Variants in FUT5 observed in about 807,000 individuals in gnomAD.
The protein encoded by FUT5 is fucosyltransferase 5.
In FUT5, 1 loss-of-function variant was observed where a neutral mutation model predicts 0.8. The observed-to-expected ratio is 1.26, with a 90% confidence interval of 0.45 to 5.99. The LOEUF (loss-of-function observed/expected upper bound fraction) is 5.99, where lower values mean the gene tolerates loss of function less well. Among genes scored for constraint, FUT5 ranks in the 30% most tolerant of loss-of-function variants. FUT5 has a pLI of 0.15. For missense variants in FUT5, 437 were observed against 517.8 expected (o/e 0.84, Z 1.51); for synonymous variants, 212 against 225.7 (o/e 0.94, Z 0.54).
chr19:5,867,440 C>CT lies in FUT5; in HGVS notation c.285dup (p.Glu96ArgfsTer267). On this transcript the variant is annotated frameshift_variant, in exon 2 of 2. Coordinates refer to ENST00000588525, the MANE Select transcript of FUT5 (RefSeq NM_002034.2). LOFTEE classifies it low-confidence loss of function (END_TRUNC). This position sits in a 1 kb window ranked among gnomAD's most constrained non-coding sequence, Gnocchi z 5.0. ...CAGTCGGCCGCGCCGGGCACCATCT[C>CT]TGAGCAGCGGGGCAGAGCCACGGGT... is the stretch of plus-strand genomic sequence containing the variant. 3.7e-6 allele frequency: 6 copies of CT among 1,604,546 alleles called. No individual in the cohort carries two copies. The South Asian group carries it at 6.6e-5, about 18-fold the overall frequency.
At chr19:5,868,621 G>A (rs1490558787) in intron 1 of FUT5, among the ~76,000 whole-genome samples, 1 of 152,174 alleles carries the variant, frequency 6.6e-6, no homozygotes, top group Admixed American at 6.5e-5. Flanking sequence ...GATCACCTGA[G>A]GTCAGGAGTT....
At position 5,869,978 on chromosome 19, in the gene FUT5, A is replaced by T. The variant is rs571506327; in HGVS notation, c.-13+487T>A. On this transcript the variant is annotated intron_variant, in intron 1 of 1. Coordinates refer to ENST00000588525, the MANE Select transcript of FUT5 (RefSeq NM_002034.2). ...CAGCTACTCGGGAGGCTGAGGCAGA[A>T]TTGCTTGAACCCGGGAGGCGGGGGT... Among the ~76,000 whole-genome samples the T allele has an allele frequency of 5.6e-4, 78 of 140,298 alleles. 2 individuals are homozygous for T. The South Asian group carries it at 0.018, about 32-fold the overall frequency. The allele number at this position is 140,298 out of a possible 152,430, so 92.0% of individuals were successfully genotyped here. A position where few individuals can be genotyped will look rare whatever the true frequency, so the allele number is the denominator to read the frequency against.
intron 1 of FUT5, among the ~76,000 whole-genome samples, chr19:5,869,278 C>CTTTTT (rs780424110): frequency 1.6e-5 from 2 of 125,994 alleles, no homozygotes; most frequent in South Asian, 2.6e-4. Context: ...CATGCCCAGC[C>CTTTTT]TTTTTTTTTT....
rs753846498 is a variant in FUT5 at position 5,866,882 on chromosome 19, C to G, written c.844G>C (p.Ala282Pro). ...CTGGGGCCCAGCACCACGGGCACGG[C>G]CCAGGCCTCCAGGGCGTTCCTCCAC... ...KLWRNALEAWAVPVVLGPSRS... is the reference protein window; with the variant it reads ...KLWRNALEAWPVPVVLGPSRS... The change falls in exon 2 of 2, where the codon GCC becomes CCC. Residue 282 changes from alanine (A) to proline (P), a missense_variant. Ala to Pro is a conservative substitution (Grantham distance 27). Coordinates refer to ENST00000588525, the MANE Select transcript of FUT5 (RefSeq NM_002034.2). The surrounding 1 kb of genome is among the most constrained non-coding windows in gnomAD (Gnocchi z 4.9). The G allele has an allele frequency of 5.0e-5, 81 of 1,611,370 alleles. No individual in the cohort carries two copies. The East Asian group carries it at 5.6e-4, about 11-fold the overall frequency.
In FUT5 at chr19:5,867,706, G is replaced by A; in HGVS notation, c.20C>T (p.Ala7Val). Reference protein sequence around the residue: MDPLGPAKPQWLWRRCL... With the variant: MDPLGPVKPQWLWRRCL... ...GCGGCGCCACAGCCACTGTGGCTTG[G>A]CTGGGCCCAGGGGATCCATGGGTCA... is the stretch of plus-strand genomic sequence containing the variant. The change falls in exon 2 of 2, where the codon GCC becomes GTC. Residue 7 changes from alanine to valine, a missense_variant. Ala to Val is a moderately conservative substitution (Grantham distance 64). Around this residue, in one of 2 missense-constraint regions of FUT5, gnomAD observed 261 missense variants for 242.6 expected, o/e 1.08. Coordinates refer to ENST00000588525, the MANE Select transcript of FUT5 (RefSeq NM_002034.2). This position sits in a 1 kb window ranked among gnomAD's most constrained non-coding sequence, Gnocchi z 5.0. The A allele has an allele frequency of 6.2e-7, 1 of 1,613,300 alleles. No individual in the cohort carries two copies. The highest frequency in any genetic ancestry group is 8.5e-7 in the Non-Finnish European group (1 of 1,180,030).
chr19:5,867,027 G>A lies in FUT5; in HGVS notation c.699C>T (p.Asp233=), dbSNP rs763176772. Residue 233 remains aspartate, a synonymous_variant, in exon 2 of 2, where the codon GAC becomes GAT. Coordinates refer to ENST00000588525, the MANE Select transcript of FUT5 (RefSeq NM_002034.2). The surrounding 1 kb of genome is among the most constrained non-coding windows in gnomAD (Gnocchi z 5.0). The stretch of plus-strand genomic sequence containing the variant: ...GGGGCTTGTGGGAGCGTCCGTACAC[G>A]TCCACCTTGAGATGAGCCTGCAGGC... ...YQSLQAHLKV[D]VYGRSHKPLP... The A allele has an allele frequency of 9.9e-6, 16 of 1,613,450 alleles. No homozygotes were observed. Among genetic ancestry groups the A allele is most frequent in the African/African-American group, 8.0e-5 (6 of 74,806 alleles).
intron 1 of FUT5, among the ~76,000 whole-genome samples, chr19:5,868,916 G>A (rs1172681607): frequency 6.6e-6 from 1 of 152,074 alleles, no homozygotes; most frequent in East Asian, 1.9e-4. Flanking sequence ...AACCTCCCAG[G>A]TTCAAATGAT....
Position 5,866,136 on chromosome 19 carries a change from G to A in FUT5, c.*465C>T, listed in dbSNP as rs1458872821. On this transcript the variant is annotated 3_prime_UTR_variant, in exon 2 of 2. Transcript: ENST00000588525. This position sits in a 1 kb window ranked among gnomAD's most constrained non-coding sequence, Gnocchi z 4.9. ...ATACCCTTCGCCCTCCTCCTTAGGG[G>A]ACCCTGCCCTTCCCTGACCTGCCCT... 2.0e-5 allele frequency: 6 copies of A among 296,514 alleles called. No individual in the cohort carries two copies. Among genetic ancestry groups the A allele is most frequent in the Non-Finnish European group, 3.3e-5 (5 of 152,832 alleles). 18.4% of individuals were successfully genotyped at this position (296,514 alleles called of 1,614,324 possible). A position where few individuals can be genotyped will look rare whatever the true frequency, so the allele number is the denominator to read the frequency against.
In FUT5 at chr19:5,867,769, T is replaced by A; in HGVS notation, c.-12-32A>T. On this transcript the variant is annotated intron_variant, in intron 1 of 1. Transcript: ENST00000588525. The surrounding 1 kb of genome is among the most constrained non-coding windows in gnomAD (Gnocchi z 5.0). ...AGAGAGGAGAGAGGAGTGAGGGTCA[T>A]TAAGGAAGATCACCCACTTCCTGGC... 6.2e-7 allele frequency: 1 copy of A among 1,604,560 alleles called. No individual in the cohort carries two copies. The highest frequency in any genetic ancestry group is 8.5e-7 in the Non-Finnish European group (1 of 1,172,514).
rs143077291 is a variant in FUT5, at chr19:5,866,211, C to A, written c.*390G>T. On this transcript the variant is annotated 3_prime_UTR_variant, in exon 2 of 2. Coordinates refer to ENST00000588525, the MANE Select transcript of FUT5 (RefSeq NM_002034.2). The surrounding 1 kb of genome is among the most constrained non-coding windows in gnomAD (Gnocchi z 4.9). ...CTCCCTTGGGCCCTGTGCCTCCCAG[C>A]GGGTGAGGCTCCTAGCAGGTGACAT... 9.2e-3 allele frequency: 3,433 copies of A among 373,246 alleles called. 35 individuals are homozygous for A. The highest frequency in any genetic ancestry group is 0.019 in the Middle Eastern group (21 of 1,100). 23.1% of individuals were successfully genotyped at this position (373,246 alleles called of 1,614,324 possible).
chr19:5,866,380 G>T lies in FUT5; in HGVS notation c.*221C>A. 1.4e-6 allele frequency: 1 copy of T among 723,942 alleles called. No individual in the cohort carries two copies. Among genetic ancestry groups the T allele is most frequent in the South Asian group, 1.8e-5 (1 of 55,820 alleles). The allele number at this position is 723,942 out of a possible 1,614,324, so 44.8% of individuals were successfully genotyped here. ...AGCTGGCAAGGTCCCCAGCAGGGGAGGCTCCTGGCAGTGAAGCCCGGCAAG... is the reference window on the plus strand; with the variant it reads ...AGCTGGCAAGGTCCCCAGCAGGGGATGCTCCTGGCAGTGAAGCCCGGCAAG... On this transcript the variant is annotated 3_prime_UTR_variant, in exon 2 of 2. Transcript: ENST00000588525. This position sits in a 1 kb window ranked among gnomAD's most constrained non-coding sequence, Gnocchi z 4.9.
At position 5,867,733 on chromosome 19, in the gene FUT5, A is replaced by G. The variant is rs1292677620; in HGVS notation, c.-8T>C. 4.3e-6 allele frequency: 7 copies of G among 1,613,028 alleles called. No individual in the cohort carries two copies. The highest frequency in any genetic ancestry group is 5.9e-6 in the Non-Finnish European group (7 of 1,179,930). The stretch of plus-strand genomic sequence containing the variant: ...TGGGCCCAGGGGATCCATGGGTCAG[A>G]GTAGCTGGGAAGAGAGGAGAGAGGA... On this transcript the variant is annotated 5_prime_UTR_variant, in exon 2 of 2. Coordinates refer to ENST00000588525, the MANE Select transcript of FUT5 (RefSeq NM_002034.2). The surrounding 1 kb of genome is among the most constrained non-coding windows in gnomAD (Gnocchi z 5.0).
intron 1 of FUT5, among the ~76,000 whole-genome samples, chr19:5,870,084 A>G (rs996776066): frequency 1.3e-5 from 2 of 150,686 alleles, no homozygotes; most frequent in African/African-American, 4.9e-5. Flanking sequence ...AAAAAAAAAA[A>G]AAAGAAAAAG....
chr19:5,868,415 A>C (rs955602183), intron 1 of FUT5, among the ~76,000 whole-genome samples: 3 of 152,116 alleles, frequency 2.0e-5, no homozygotes, highest in African/African-American at 7.2e-5. Context: ...AGAGGCTAAG[A>C]GGGCGACCGG....
Position 5,866,821 on chromosome 19 carries a change from G to T in FUT5, c.905C>A (p.Ala302Asp). ...SNYERFLPPD[A>D]FIHVDDFQSP... ...CTGGAAGTCGTCCACGTGGATGAAG[G>T]CGTCGGGTGGCAGGAACCTCTCGTA... Residue 302 changes from alanine to aspartate, a missense_variant, in exon 2 of 2, where the codon GCC (alanine) becomes GAC (aspartate). Coordinates refer to ENST00000588525, the MANE Select transcript of FUT5 (RefSeq NM_002034.2). This position sits in a 1 kb window ranked among gnomAD's most constrained non-coding sequence, Gnocchi z 4.9. The T allele has an allele frequency of 6.2e-7, 1 of 1,604,128 alleles. No individual in the cohort carries two copies. The highest frequency in any genetic ancestry group is 8.5e-7 in the Non-Finnish European group (1 of 1,176,090).
At position 5,866,894 on chromosome 19, in the gene FUT5, G is replaced by A. The variant is rs754987658; in HGVS notation, c.832C>T (p.Leu278=). The A allele has an allele frequency of 8.1e-6, 13 of 1,612,270 alleles. No homozygotes were observed. The highest frequency in any genetic ancestry group is 1.3e-5 in the African/African-American group (1 of 74,456). The change falls in exon 2 of 2, where the codon CTG becomes TTG. Residue 278 remains leucine, a synonymous_variant. Transcript: ENST00000588525. This position sits in a 1 kb window ranked among gnomAD's most constrained non-coding sequence, Gnocchi z 4.9. ...YITEKLWRNA[L]EAWAVPVVLG... ...ACCACGGGCACGGCCCAGGCCTCCAGGGCGTTCCTCCACAGCTTCTCGGTG... is the reference window on the plus strand; with the variant it reads ...ACCACGGGCACGGCCCAGGCCTCCAAGGCGTTCCTCCACAGCTTCTCGGTG...
In FUT5 at chr19:5,867,953, G is replaced by C. The variant is rs1484332906; in HGVS notation, c.-12-216C>G. Among the ~76,000 whole-genome samples, 1 of 152,216 alleles carries C rather than the reference G, an allele frequency of 6.6e-6. No individual in the cohort carries two copies. The highest frequency in any genetic ancestry group is 2.4e-5 in the African/African-American group (1 of 41,460). On this transcript the variant is annotated intron_variant, in intron 1 of 1. Coordinates refer to ENST00000588525, the MANE Select transcript of FUT5 (RefSeq NM_002034.2). This position sits in a 1 kb window ranked among gnomAD's most constrained non-coding sequence, Gnocchi z 5.0. ...TAAGAGTTCTCCAGATAAGGTAGGA[G>C]TTGAGGGAAAGGGTGTCCGTTGGAT...
At chr19:5,870,289 A>ATAC (rs1026758769) in intron 1 of FUT5, among the ~76,000 whole-genome samples, 176 bp downstream of exon 1, 4 of 151,994 alleles carry the variant, frequency 2.6e-5, no homozygotes, top group African/African-American at 9.7e-5. Flanking sequence ...AGCCTGAGAG[A>ATAC]TACTTATCAC....
At position 5,867,854 on chromosome 19, in the gene FUT5, TA is replaced by T. The variant is rs767344792; in HGVS notation, c.-12-118del. On this transcript the variant is annotated intron_variant, in intron 1 of 1. Transcript: ENST00000588525. This position sits in a 1 kb window ranked among gnomAD's most constrained non-coding sequence, Gnocchi z 5.0. ...CACAGCTTGTCATAAATGCCCCCAGTACCCCTGAGTTGAGGATTGAATTTAT... is the reference window on the plus strand; with the variant it reads ...CACAGCTTGTCATAAATGCCCCCAGTCCCCTGAGTTGAGGATTGAATTTAT... 3.5e-5 allele frequency: 37 copies of T among 1,061,820 alleles called. No individual in the cohort carries two copies. Among genetic ancestry groups the T allele is most frequent in the Non-Finnish European group, 5.0e-5 (35 of 705,196 alleles). 65.8% of individuals were successfully genotyped at this position (1,061,820 alleles called of 1,614,324 possible). A position where few individuals can be genotyped will look rare whatever the true frequency, so the allele number is the denominator to read the frequency against.
Sources: gnomAD v4.1 joint callset for allele counts (sites outside exome capture counted in the v4.1 genomes callset) on GRCh38, gnomAD v4.1.1 for gene constraint, gnomAD v4.1.1 regional missense constraint, Gnocchi (gnomAD v3.1) non-coding constraint, MANE v1.5 for transcripts, NCBI Gene and HGNC (gene_info 2026-07-23, HGNC 2026-07-21) for gene names.